The following G3BP2 variants were observed in gnomAD, a reference collection of about 807,000 sequenced individuals.
G3BP2 encodes G3BP stress granule assembly factor 2, also known as ras GTPase-activating protein-binding protein 2.
In G3BP2, 11 loss-of-function variants were observed where a neutral mutation model predicts 56.7. The observed-to-expected ratio is 0.19, with a 90% CI of 0.12 to 0.32. The LOEUF (loss-of-function observed/expected upper bound fraction) is 0.32. Ranked by LOEUF, G3BP2 falls within the 10% of genes least tolerant of loss-of-function variation. G3BP2 has a pLI of 1.00. For missense variants in G3BP2, 340 were observed against 610.9 expected (o/e 0.56, Z 4.67); for synonymous variants, 165 against 191.6 (o/e 0.86, Z 1.15).
At chr4:75,711,531 G>A (rs906548928) in intron 3 of G3BP2, among the ~76,000 whole-genome samples, 2 of 151,652 alleles carry the variant, frequency 1.3e-5, no homozygotes, top group Non-Finnish European at 2.9e-5. Context: ...TGGCCAACGT[G>A]GTGAAATCCT....
At chr4:75,686,553 A>AGGGTGGGTGGCGGG (rs1718613641) in intron 3 of G3BP2, among the ~76,000 whole-genome samples, 1 of 2,966 alleles carries the variant, frequency 3.4e-4, no homozygotes, top group Admixed American at 4.2e-3. Context: ...GCAAGAGCAA[A>AGGGTGGGTGGCGGG]GGGTGGGTGG....
In G3BP2 at chr4:75,706,964, G is replaced by A. The variant is rs541014635; in HGVS notation, c.-25+13913C>T. 1.3e-4 allele frequency among the ~76,000 whole-genome samples: 20 copies of A among 151,922 alleles called. No individual in the cohort carries two copies. In the South Asian group the frequency reaches 1.9e-3, roughly 14 times the overall value. On this transcript the variant is annotated intron_variant, in intron 3 of 3. Coordinates refer to the G3BP2 transcript ENST00000499709. The stretch of plus-strand genomic sequence containing the variant: ...TCCCAGCACTTTGAGAGGCTGAGGC[G>A]GGCGGATCACCTGAGGTCAGGAGTT...
intron 5 of G3BP2, among the ~76,000 whole-genome samples, chr4:75,656,093 C>T (rs983081473): frequency 6.7e-6 from 1 of 150,312 alleles, no homozygotes; most frequent in Non-Finnish European, 1.5e-5. Context: ...TGGGTTCAAA[C>T]GATTCTCCTG....
At chr4:75,711,369 T>C (rs1719752012) in intron 3 of G3BP2, among the ~76,000 whole-genome samples, 1 of 151,736 alleles carries the variant, frequency 6.6e-6, no homozygotes, top group South Asian at 2.1e-4. Context: ...CTGTCTCTCT[T>C]ATAATTATTC....
chr4:75,650,892 C>T (rs951761171), intron 8 of G3BP2, among the ~76,000 whole-genome samples: 4 of 152,092 alleles, frequency 2.6e-5, no homozygotes, highest in Non-Finnish European at 5.9e-5. Flanking sequence ...TTTACATCAC[C>T]CAAAGAACCA....
Position 75,645,289 on chromosome 4 carries a change from A to T in G3BP2, c.*141T>A. On this transcript the variant is annotated 3_prime_UTR_variant, in exon 12 of 12. Coordinates refer to ENST00000359707, the MANE Select transcript of G3BP2 (RefSeq NM_203505.3). ...GGGGAAATAATGTCCACCTCAATTT[A>T]ACTGATAACCAAAGATGCTTTTCAC... is the stretch of plus-strand genomic sequence containing the variant. 1 of 703,362 alleles carries T rather than the reference A, an allele frequency of 1.4e-6. No individual in the cohort carries two copies. Among genetic ancestry groups the T allele is most frequent in the Non-Finnish European group, 2.3e-6 (1 of 428,772 alleles). The allele number at this position is 703,362 out of a possible 1,614,324, so 43.6% of individuals were successfully genotyped here. A position where few individuals can be genotyped will look rare whatever the true frequency, so the allele number is the denominator to read the frequency against.
At chr4:75,665,131 C>T (rs1732900678) in intron 1 of G3BP2, among the ~76,000 whole-genome samples, 2 of 152,304 alleles carry the variant, frequency 1.3e-5, no homozygotes, top group South Asian at 4.1e-4. Flanking sequence ...TATAGTAGAG[C>T]TTACAGATAG....
chr4:75,710,903 A>G (rs1196305496), intron 3 of G3BP2, among the ~76,000 whole-genome samples: 1 of 152,020 alleles, frequency 6.6e-6, no homozygotes, highest in Non-Finnish European at 1.5e-5. Flanking sequence ...GCTTCAGGCA[A>G]TCCTTCTGCC....
chr4:75,687,243 C>T (rs1262278289), intron 3 of G3BP2, among the ~76,000 whole-genome samples: 3 of 152,046 alleles, frequency 2.0e-5, no homozygotes, highest in Admixed American at 2.0e-4. Context: ...GGGGGTAGGT[C>T]TTTTCCATGC....
intron 3 of G3BP2, among the ~76,000 whole-genome samples, chr4:75,696,225 G>A (rs143424304): frequency 1.3e-3 from 205 of 152,262 alleles, no homozygotes; most frequent in African/African-American, 4.8e-3. Flanking sequence ...GAGGAAGTTA[G>A]AGAGGAGCCA....
chr4:75,694,647 A>T (rs1397238206), intron 3 of G3BP2, among the ~76,000 whole-genome samples: 1 of 152,234 alleles, frequency 6.6e-6, no homozygotes, highest in Non-Finnish European at 1.5e-5. Context: ...GTGAGGTGGG[A>T]GAATCGCTTG....
chr4:75,667,509 GCA>G (rs1407532941), intron 1 of G3BP2, among the ~76,000 whole-genome samples: 1 of 152,252 alleles, frequency 6.6e-6, no homozygotes, highest in Non-Finnish European at 1.5e-5. Flanking sequence ...ACACAGGAAT[GCA>G]CAGTGTAAAA....
chr4:75,655,808 C>G lies in G3BP2; in HGVS notation c.505G>C (p.Glu169Gln). The G allele has an allele frequency of 6.2e-7, 1 of 1,604,298 alleles. No individual in the cohort carries two copies. Among genetic ancestry groups the G allele is most frequent in the Non-Finnish European group, 8.5e-7 (1 of 1,171,098 alleles). ...TCATAGTAACCACTGTTAGCATTTT[C>G]TTGCACAGGTTCAGGAGATGGTTGT... is the stretch of plus-strand genomic sequence containing the variant. ...ERQPSPEPVQENANSGYYEAH... is the reference protein window; with the variant it reads ...ERQPSPEPVQQNANSGYYEAH... Residue 169 changes from glutamate (E) to glutamine (Q), a missense_variant, in exon 6 of 12, where the codon GAA becomes CAA. By Grantham distance (29) the Glu-to-Gln change is conservative. This residue lies in a region of G3BP2 where 224 missense variants were observed against 332.5 expected (regional missense o/e 0.67). Coordinates refer to ENST00000359707, the MANE Select transcript of G3BP2 (RefSeq NM_203505.3).
At chr4:75,715,746 T>C (rs1263760871) in intron 3 of G3BP2, among the ~76,000 whole-genome samples, 1 of 152,252 alleles carries the variant, frequency 6.6e-6, no homozygotes, top group African/African-American at 2.4e-5. Flanking sequence ...GGGGCTTTTC[T>C]GAAGTTGATA....
chr4:75,651,325 G>C (rs887699137), intron 8 of G3BP2, among the ~76,000 whole-genome samples: 15 of 152,184 alleles, frequency 9.9e-5, no homozygotes, highest in Admixed American at 5.2e-4. Flanking sequence ...CCCTGGTCTT[G>C]ACTGATTTAA....
intron 1 of G3BP2, chr4:75,670,288 T>G (rs926751023): frequency 6.6e-6 from 1 of 152,236 alleles, no homozygotes; most frequent in South Asian, 2.1e-4. Flanking sequence ...TAAATGCATA[T>G]TAATACTGGA....
intron 3 of G3BP2, among the ~76,000 whole-genome samples, chr4:75,708,968 G>A (rs1719651367): frequency 6.6e-6 from 1 of 152,112 alleles, no homozygotes; most frequent in Admixed American, 6.5e-5. Flanking sequence ...AAAATAGCCA[G>A]GCATGGTGGC....
intron 3 of G3BP2, among the ~76,000 whole-genome samples, chr4:75,711,475 G>T (rs1214463049): frequency 6.6e-6 from 1 of 151,982 alleles, no homozygotes; most frequent in East Asian, 1.9e-4. Context: ...CACTTTGGGA[G>T]GCCAAGGTGG....
intron 3 of G3BP2, among the ~76,000 whole-genome samples, chr4:75,706,829 A>G (rs1277437053): frequency 1.3e-5 from 2 of 152,212 alleles, no homozygotes; most frequent in Non-Finnish European, 2.9e-5. Context: ...GTTAAATGAC[A>G]AGTAGCAAAT....
Sources: allele counts gnomAD v4.1 joint callset (sites outside exome capture counted in the v4.1 genomes callset), GRCh38; gene constraint gnomAD v4.1.1; regional missense constraint gnomAD v4.1.1; transcripts MANE v1.5; gene names NCBI Gene and HGNC (gene_info 2026-07-23, HGNC 2026-07-21).